Variants in TNRC6A observed in about 807,000 individuals in gnomAD.
The protein encoded by TNRC6A is trinucleotide repeat containing adaptor 6A, also known as trinucleotide repeat-containing gene 6A protein.
A neutral mutation model predicts 221.2 loss-of-function variants in TNRC6A; 44 were observed. That is an observed-to-expected ratio of 0.20 (90% CI 0.16 to 0.26). TNRC6A has a LOEUF of 0.26. TNRC6A is among the 10% of genes least tolerant of loss of function. TNRC6A has a pLI of 1.00. For synonymous variants in TNRC6A, 847 were observed against 838.5 expected (o/e 1.01, Z -0.18); for missense variants, 2,199 against 2,404.4 (o/e 0.91, Z 1.79).
At chr16:24,678,310 CAAAA>C (rs35383022) in intron 2 of TNRC6A, among the ~76,000 whole-genome samples, 1 of 84,650 alleles carries the variant, frequency 1.2e-5, no homozygotes, top group African/African-American at 3.8e-5. Context: ...GACCCTGTCT[CAAAA>C]AAAAAAAAAA....
At chr16:24,640,744 G>A (rs866315066) in intron 1 of TNRC6A, 3 of 151,978 alleles carry the variant, frequency 2.0e-5, no homozygotes, top group Non-Finnish European at 4.4e-5. Context: ...AAAAGAAAGG[G>A]ATGAAATTAA....
chr16:24,812,019 ATTTTTTTTTTTTTTTTTTTTTTTTTTT>A lies in TNRC6A; in HGVS notation c.4672+2559_4672+2585del, dbSNP rs71156440. ...CCGTTCAGGGGAATGTCACTTTGGG[ATTTTTTTTTTTTTTTTTTTTTTTTTTT>A]TTTTTTTTTTTTTTTTTTTTGAGAC... On this transcript the variant is annotated intron_variant, in intron 18 of 24. Coordinates refer to ENST00000395799, the MANE Select transcript of TNRC6A (RefSeq NM_014494.4). Among the ~76,000 whole-genome samples, 32 of 40,854 alleles carry A rather than the reference ATTTTTTTTTTTTTTTTTTTTTTTTTTT, an allele frequency of 7.8e-4. 2 individuals are homozygous for A. Among genetic ancestry groups the A allele is most frequent in the Admixed American group, 1.4e-3 (3 of 2,222 alleles). The allele number at this position is 40,854 out of a possible 152,430, so 26.8% of individuals were successfully genotyped here. A position where few individuals can be genotyped will look rare whatever the true frequency, so the allele number is the denominator to read the frequency against.
Position 24,633,841 on chromosome 16 carries a change from G to A in TNRC6A, n.277-7043G>A, listed in dbSNP as rs539469565. On this transcript the variant is annotated intron_variant and non_coding_transcript_variant, in intron 1 of 2. Transcript: ENST00000566108. ...TTTGATGCCCAGCCTGGAGTGCAGT[G>A]GCATGGTCTCAGCTCCCTGCAACCT... 1.2e-4 allele frequency among the ~76,000 whole-genome samples: 18 copies of A among 151,546 alleles called. 1 individual carries two copies. The South Asian group carries it at 3.8e-3, about 32-fold the overall frequency.
At chr16:24,716,030 C>T (rs1222737532) in intron 2 of TNRC6A, among the ~76,000 whole-genome samples, 2 of 152,104 alleles carry the variant, frequency 1.3e-5, no homozygotes, top group African/African-American at 4.8e-5. Context: ...GTTCTCTCCT[C>T]TTTGGTACTC....
intron 2 of TNRC6A, among the ~76,000 whole-genome samples, chr16:24,695,584 G>T (rs979720861): frequency 1.3e-5 from 2 of 152,004 alleles, no homozygotes; most frequent in Non-Finnish European, 2.9e-5. Context: ...GTTTTTAGTA[G>T]AGACGGGGTT....
intron 2 of TNRC6A, among the ~76,000 whole-genome samples, chr16:24,688,766 A>G (rs900118122): frequency 1.3e-5 from 2 of 152,136 alleles, no homozygotes; most frequent in African/African-American, 4.8e-5. Flanking sequence ...TAGGAATGAA[A>G]CCTATATAGG....
intron 2 of TNRC6A, among the ~76,000 whole-genome samples, chr16:24,668,356 AAAAAGAAAAAAAG>A: frequency 6.6e-6 from 1 of 151,856 alleles, no homozygotes; most frequent in East Asian, 1.9e-4. Flanking sequence ...AAAAAAAAAG[AAAAAGAAAAAAAG>A]AAAAGAAAAG....
rs138910571 is a variant in TNRC6A at position 24,750,893 on chromosome 16, CATTT to C, written c.141+85_141+88del. 5.4e-3 allele frequency: 6,702 copies of C among 1,244,446 alleles called. 267 individuals carry two copies. The African/African-American group carries it at 0.086, about 16-fold the overall frequency. The allele number at this position is 1,244,446 out of a possible 1,614,324, so 77.1% of individuals were successfully genotyped here. A position where few individuals can be genotyped will look rare whatever the true frequency, so the allele number is the denominator to read the frequency against. ...AAATTACTCTTACAGATTTTGAAGG[CATTT>C]ATTTGATTTAATGTTTTAGCTTTAA... On this transcript the variant is annotated intron_variant, in intron 3 of 24. Coordinates refer to ENST00000395799, the MANE Select transcript of TNRC6A (RefSeq NM_014494.4).
At chr16:24,810,498 T>C (rs1329032248) in intron 18 of TNRC6A, among the ~76,000 whole-genome samples, 1 of 152,192 alleles carries the variant, frequency 6.6e-6, no homozygotes, top group African/African-American at 2.4e-5. Context: ...TAATACCAAG[T>C]TCCTTAGGAG....
At chr16:24,768,468 A>T (rs2057523204) in intron 4 of TNRC6A, among the ~76,000 whole-genome samples, 1 of 151,598 alleles carries the variant, frequency 6.6e-6, no homozygotes, top group African/African-American at 2.4e-5. Context: ...AATTGCAATG[A>T]AAGATACTTA....
intron 1 of TNRC6A, among the ~76,000 whole-genome samples, chr16:24,623,901 CAAAAAAAAAAAAAA>C (rs67546745): frequency 3.6e-5 from 2 of 55,162 alleles, no homozygotes; most frequent in Admixed American, 3.3e-4. Flanking sequence ...GACCCTGTCT[CAAAAAAAAAAAAAA>C]AAAAAAAAAA....
chr16:24,714,329 G>A (rs1295483959), intron 2 of TNRC6A, among the ~76,000 whole-genome samples: 1 of 72,714 alleles, frequency 1.4e-5, no homozygotes, highest in African/African-American at 6.5e-5. Context: ...TTTTTTTTGA[G>A]ATGGAGTCTC....
Position 24,823,094 on chromosome 16 carries a change from A to C in TNRC6A, c.5513+81A>C. ...CACAGCCTGACCCGGGGCAGTGCACAGGGTCCTGCGTGGGTGGCTCCTGCT... is the reference window on the plus strand; with the variant it reads ...CACAGCCTGACCCGGGGCAGTGCACCGGGTCCTGCGTGGGTGGCTCCTGCT... On this transcript the variant is annotated intron_variant, in intron 24 of 24. Coordinates refer to ENST00000395799, the MANE Select transcript of TNRC6A (RefSeq NM_014494.4). The surrounding 1 kb of genome is among the most constrained non-coding windows in gnomAD (Gnocchi z 4.3). 1 of 1,568,756 alleles carries C rather than the reference A, an allele frequency of 6.4e-7. No individual in the cohort carries two copies. The highest frequency in any genetic ancestry group is 8.7e-7 in the Non-Finnish European group (1 of 1,144,688).
At chr16:24,758,618 T>C (rs16973980) in intron 4 of TNRC6A, among the ~76,000 whole-genome samples, 4,598 of 152,210 alleles carry the variant, frequency 0.03, 241 homozygotes, top group African/African-American at 0.1. Context: ...TGCTTCCTAA[T>C]GTACTCCCTT....
intron 3 of TNRC6A, among the ~76,000 whole-genome samples, chr16:24,756,883 G>A (rs989588437): frequency 6.6e-6 from 1 of 151,732 alleles, no homozygotes; most frequent in Non-Finnish European, 1.5e-5. Context: ...AGTGTTTTTT[G>A]TCTGTTTGTT....
rs1313887097 is a variant in TNRC6A, at chr16:24,816,991, A to G, written c.4972+35A>G. 7 of 1,596,650 alleles carry G rather than the reference A, an allele frequency of 4.4e-6. No homozygotes were observed. In the Admixed American group the frequency reaches 8.7e-5, roughly 20 times the overall value. The stretch of plus-strand genomic sequence containing the variant: ...GGGTGCAAATCAATTTCTGAGTGAC[A>G]CTTAACACAGTTTAAGAATGGCTCA... On this transcript the variant is annotated intron_variant, in intron 20 of 24. Coordinates refer to ENST00000395799, the MANE Select transcript of TNRC6A (RefSeq NM_014494.4).
In TNRC6A at chr16:24,791,550, T is replaced by C. The variant is rs1265361605; in HGVS notation, c.2908T>C (p.Trp970Arg). 1 of 1,547,910 alleles carries C rather than the reference T, an allele frequency of 6.5e-7. No individual in the cohort carries two copies. Among genetic ancestry groups the C allele is most frequent in the South Asian group, 1.3e-5 (1 of 78,008 alleles). The change falls in exon 6 of 25, where the codon TGG becomes CGG. Residue 970 changes from tryptophan to arginine, a missense_variant. Physicochemically the swap from Trp to Arg is moderately radical, Grantham distance 101. This residue lies in a region of TNRC6A where 1,405 missense variants were observed against 1,400.2 expected (regional missense o/e 1.00). Transcript: ENST00000395799. ...TACAGGCAAACCTCCTGGTACAGGC[T>C]GGCTGGGGGGACCTATACCAGCCCC... is the stretch of plus-strand genomic sequence containing the variant. ...PATGKPPGTGWLGGPIPAPAK... is the reference protein window; with the variant it reads ...PATGKPPGTGRLGGPIPAPAK...
chr16:24,805,818 G>A lies in TNRC6A; in HGVS notation c.4251+85G>A. 4.5e-6 allele frequency: 7 copies of A among 1,550,814 alleles called. No homozygotes were observed. In the South Asian group the frequency reaches 7.0e-5, roughly 15 times the overall value. ...CACTAGACTCTGTGCGGGACATAGT[G>A]CACTAAACAAAACAGGCGTAGTCAT... On this transcript the variant is annotated intron_variant, in intron 15 of 24. Coordinates refer to ENST00000395799, the MANE Select transcript of TNRC6A (RefSeq NM_014494.4).
chr16:24,776,860 A>G (rs2057729157), intron 4 of TNRC6A, 73 bp from the exon 5 acceptor site: 1 of 1,533,782 alleles, frequency 6.5e-7, no homozygotes, highest in Non-Finnish European at 8.8e-7. Flanking sequence ...GTGCCTTTGA[A>G]TTTAGATGGC....
Sources: gnomAD v4.1 joint callset for allele counts (sites outside exome capture counted in the v4.1 genomes callset) on GRCh38, gnomAD v4.1.1 for gene constraint, gnomAD v4.1.1 regional missense constraint, Gnocchi (gnomAD v3.1) non-coding constraint, MANE v1.5 for transcripts, NCBI Gene and HGNC (gene_info 2026-07-23, HGNC 2026-07-21) for gene names.